USP42: variants seen among roughly 807,000 people sequenced by gnomAD.
USP42 encodes ubiquitin specific peptidase 42.
USP42 carries 23 observed loss-of-function variants against 113.0 expected under a neutral mutation model. The observed-to-expected ratio is 0.20, with a 90% CI of 0.15 to 0.29. USP42 has a LOEUF of 0.29. USP42 is among the 10% of genes least tolerant of loss of function. USP42 has a pLI of 1.00. For missense variants in USP42, 2,174 were observed against 1,779.8 expected (o/e 1.22, Z -3.99); for synonymous variants, 933 against 699.0 (o/e 1.33, Z -5.28).
Position 6,150,039 on chromosome 7 carries a change from T to TCTC in USP42, c.1845_1846insCCT (p.Ser615_Asp616insPro). ...CTATGGCGCCGAGTCCTCTGAGGAC[T>TCTC]CTGACGAGGAGTCAAAGGGGCTGGG... On this transcript the variant is annotated inframe_insertion, in exon 13 of 18. Coordinates refer to ENST00000306177, the MANE Select transcript of USP42 (RefSeq NM_032172.3). 6.2e-7 allele frequency: 1 copy of TCTC among 1,611,496 alleles called. No individual in the cohort carries two copies. Among genetic ancestry groups the TCTC allele is most frequent in the Non-Finnish European group, 8.5e-7 (1 of 1,178,686 alleles).
chr7:6,113,144 C>A (rs1025139363), intron 2 of USP42, among the ~76,000 whole-genome samples: 1 of 151,978 alleles, frequency 6.6e-6, no homozygotes, highest in African/African-American at 2.4e-5. Context: ...ATCCACCCGC[C>A]TCGGCCTCCC....
chr7:6,089,517 C>T, the USP42 span, among the ~76,000 whole-genome samples: 1 of 150,196 alleles, frequency 6.7e-6, no homozygotes, highest in African/African-American at 2.5e-5. Context: ...GACCCCGTCC[C>T]TGCTTCACCT....
At chr7:6,125,909 AAGAAATAATATAG>A (rs1780518518) in intron 3 of USP42, among the ~76,000 whole-genome samples, 6 of 151,922 alleles carry the variant, frequency 3.9e-5, no homozygotes, top group Admixed American at 3.9e-4. Flanking sequence ...ATGCACTTGT[AAGAAATAATATAG>A]AGAAATCCCA....
Position 6,157,439 on chromosome 7 carries a change from C to T in USP42, c.3943+384C>T. ...TGAGACGGAGTCTTGCTCTATTGCC[C>T]AGGCTGGAGTGCAGTGGCGGCGATC... is the stretch of plus-strand genomic sequence containing the variant. On this transcript the variant is annotated intron_variant, in intron 16 of 17. Transcript: ENST00000306177. This position sits in a 1 kb window ranked among gnomAD's most constrained non-coding sequence, Gnocchi z 4.1. 1 of 946,602 alleles carries T rather than the reference C, an allele frequency of 1.1e-6. No individual in the cohort carries two copies. Among genetic ancestry groups the T allele is most frequent in the Non-Finnish European group, 1.3e-6 (1 of 794,638 alleles). 58.6% of individuals were successfully genotyped at this position (946,602 alleles called of 1,614,324 possible).
At chr7:6,099,956 C>G (rs576926662), upstream of USP42, among the ~76,000 whole-genome samples, 1 of 100,276 alleles carries the variant, frequency 1.0e-5, no homozygotes, top group Middle Eastern at 3.6e-3. Flanking sequence ...GAACGAGACT[C>G]CCTCTCAAAA....
At chr7:6,155,329 T>G in intron 15 of USP42, 134 bp downstream of exon 15, 1 of 1,387,232 alleles carries the variant, frequency 7.2e-7, no homozygotes, top group Non-Finnish European at 9.4e-7. Context: ...GTCTTTCATT[T>G]CTGTGGGTTT....
intron 3 of USP42, among the ~76,000 whole-genome samples, chr7:6,129,548 C>T (rs1408590291): frequency 7.8e-6 from 1 of 128,112 alleles, no homozygotes; most frequent in African/African-American, 3.1e-5. Flanking sequence ...CAAAGTGAGG[C>T]TCTGCCTCAG....
chr7:6,089,926 G>A, the USP42 span, among the ~76,000 whole-genome samples: 8 of 150,954 alleles, frequency 5.3e-5, 1 homozygote, highest in Admixed American at 1.3e-4. Context: ...GCTTGAACCC[G>A]GGAGGTGGAG....
rs1782649009 is a variant in USP42 at position 6,159,461 on chromosome 7, C to G, written c.*4C>G. The G allele has an allele frequency of 1.2e-6, 2 of 1,613,990 alleles. No homozygotes were observed. The highest frequency in any genetic ancestry group is 2.2e-5 in the South Asian group (2 of 91,076). On this transcript the variant is annotated 3_prime_UTR_variant, in exon 17 of 18. Transcript: ENST00000306177. This position sits in a 1 kb window ranked among gnomAD's most constrained non-coding sequence, Gnocchi z 4.1. ...CCTTTGCTTTCTAGGTGATTGAAAACTCAGCCTCAAAACAAAAAATTCACT... is the reference window on the plus strand; with the variant it reads ...CCTTTGCTTTCTAGGTGATTGAAAAGTCAGCCTCAAAACAAAAAATTCACT...
chr7:6,145,664 G>C lies in USP42; in HGVS notation c.1131+8G>C, dbSNP rs757202150. 1.2e-6 allele frequency: 2 copies of C among 1,611,684 alleles called. No homozygotes were observed. Among genetic ancestry groups the C allele is most frequent in the East Asian group, 4.5e-5 (2 of 44,850 alleles). On this transcript the variant is annotated splice_region_variant and intron_variant, in intron 10 of 17. Coordinates refer to ENST00000306177, the MANE Select transcript of USP42 (RefSeq NM_032172.3). ...TACTTCTGCTACATAAAAGTAAGCT[G>C]TGCAGATTTGCTATTAACTATTGTT...
chr7:6,142,860 G>T, intron 7 of USP42, 72 bp from the exon 8 acceptor site: 2 of 1,475,672 alleles, frequency 1.4e-6, no homozygotes, highest in Non-Finnish European at 1.9e-6. Context: ...CTCCAGCCTG[G>T]GTGGCAGGGC....
At chr7:6,156,690 T>C (rs1227685232) in intron 15 of USP42, 64 bp from the exon 16 acceptor site, 4 of 1,470,270 alleles carry the variant, frequency 2.7e-6, no homozygotes, top group Non-Finnish European at 3.6e-6. Flanking sequence ...AAGGCCAAGC[T>C]CCAGGGTCTG....
intron 14 of USP42, among the ~76,000 whole-genome samples, chr7:6,152,532 C>T (rs1782131839): frequency 6.6e-6 from 1 of 151,204 alleles, no homozygotes; most frequent in South Asian, 2.1e-4. Flanking sequence ...CTGAGGCCCT[C>T]TGTTAGGAGG....
rs1334776869 is a variant in USP42 at position 6,155,160 on chromosome 7, G to A, written c.3606G>A (p.Lys1202=). 9 of 1,543,624 alleles carry A rather than the reference G, an allele frequency of 5.8e-6. No individual in the cohort carries two copies. In the South Asian group the frequency reaches 8.4e-5, roughly 14 times the overall value. ...AKKHKKSKKK[K]KSKDKHRDRD... is the part of the protein sequence containing the mutation. ...AGCACAAAAAATCAAAGAAGAAAAAGAAATCCAAAGACAAACACCGAGACC... is the reference window on the plus strand; with the variant it reads ...AGCACAAAAAATCAAAGAAGAAAAAAAAATCCAAAGACAAACACCGAGACC... The change falls in exon 15 of 18, where the codon AAG becomes AAA. Residue 1202 remains lysine, a synonymous_variant. Coordinates refer to ENST00000306177, the MANE Select transcript of USP42 (RefSeq NM_032172.3).
chr7:6,105,441 G>A (rs1371295960), intron 1 of USP42, among the ~76,000 whole-genome samples: 1 of 149,610 alleles, frequency 6.7e-6, no homozygotes, highest in African/African-American at 2.4e-5. Context: ...GCTGGCCGCT[G>A]ACCGCGGAGT....
At position 6,154,891 on chromosome 7, in the gene USP42, C is replaced by T. The variant is rs892557223; in HGVS notation, c.3337C>T (p.Arg1113Cys). Residue 1113 changes from arginine (R) to cysteine (C), a missense_variant, in exon 15 of 18, where the codon CGC (arginine) becomes TGC (cysteine). Arg to Cys is a radical substitution (Grantham distance 180, BLOSUM62 -3). Transcript: ENST00000306177. Reference protein sequence around the residue: ...CEPARERERHRPSSPRAGAPH... With the variant: ...CEPARERERHCPSSPRAGAPH... Reference sequence around the variant, plus strand: ...GCCGGCCCGGGAGAGGGAGCGGCACCGCCCCAGCAGCCCCCGCGCAGGCGC... The same window carrying T: ...GCCGGCCCGGGAGAGGGAGCGGCACTGCCCCAGCAGCCCCCGCGCAGGCGC... The T allele has an allele frequency of 3.2e-6, 5 of 1,539,132 alleles. No individual in the cohort carries two copies. Among genetic ancestry groups the T allele is most frequent in the African/African-American group, 2.8e-5 (2 of 72,470 alleles).
intron 3 of USP42, among the ~76,000 whole-genome samples, chr7:6,127,388 T>C (rs1780599380): frequency 6.6e-6 from 1 of 152,158 alleles, no homozygotes; most frequent in South Asian, 2.1e-4. Flanking sequence ...TTTTTTCCTA[T>C]GTTAATTTTT....
intron 3 of USP42, among the ~76,000 whole-genome samples, chr7:6,116,176 G>A (rs1779902308): frequency 6.6e-6 from 1 of 151,754 alleles, no homozygotes. Flanking sequence ...GCCTCTCCTG[G>A]CATTTATATC....
the USP42 span, among the ~76,000 whole-genome samples, chr7:6,099,833 G>A: frequency 6.6e-6 from 1 of 150,598 alleles, no homozygotes; most frequent in East Asian, 1.9e-4. Flanking sequence ...CATTGTGGTG[G>A]GTGCCTATAA....
Sources: allele counts gnomAD v4.1 joint callset (sites outside exome capture counted in the v4.1 genomes callset), GRCh38; gene constraint gnomAD v4.1.1; non-coding constraint Gnocchi (gnomAD v3.1); transcripts MANE v1.5; gene names NCBI Gene and HGNC (gene_info 2026-07-23, HGNC 2026-07-21).